The following KIF16B variants were observed in gnomAD, a reference collection of about 807,000 sequenced individuals.
KIF16B encodes kinesin family member 16B, also known as kinesin-like protein KIF16B.
Under a neutral mutation model 156.3 loss-of-function variants are expected in KIF16B, and 98 were observed. The ratio of observed to expected loss-of-function variants is 0.63; its 90% CI spans 0.53 to 0.74. The LOEUF (loss-of-function observed/expected upper bound fraction) is 0.74, where lower values mean the gene tolerates loss of function less well. Ranked by LOEUF, KIF16B falls within the 30% of genes least tolerant of loss-of-function variation. The pLI is 0.00. For missense variants in KIF16B, 1,421 were observed against 1,606.5 expected (o/e 0.88, Z 1.97); for synonymous variants, 564 against 583.7 (o/e 0.97, Z 0.49).
chr20:16,465,601 C>A (rs1337139547), intron 12 of KIF16B, among the ~76,000 whole-genome samples: 1 of 152,172 alleles, frequency 6.6e-6, no homozygotes, highest in Non-Finnish European at 1.5e-5. Flanking sequence ...ATATAATTCA[C>A]CAACTAAATG....
intron 1 of KIF16B, among the ~76,000 whole-genome samples, chr20:16,568,248 T>A (rs2071332704): frequency 6.6e-6 from 1 of 150,676 alleles, no homozygotes. Context: ...CTAGGAACAG[T>A]CAGAAAAGAG....
At chr20:16,530,023 A>T (rs989760237) in intron 1 of KIF16B, among the ~76,000 whole-genome samples, 1 of 152,192 alleles carries the variant, frequency 6.6e-6, no homozygotes, top group Non-Finnish European at 1.5e-5. Flanking sequence ...TCCAAAATTT[A>T]AAAAACAAAC....
At chr20:16,498,018 T>C (rs187210666) in intron 10 of KIF16B, among the ~76,000 whole-genome samples, 34 of 152,260 alleles carry the variant, frequency 2.2e-4, no homozygotes, top group Admixed American at 1.0e-3. Flanking sequence ...AGTCCAACAT[T>C]CAAAAGGGAC....
intron 22 of KIF16B, among the ~76,000 whole-genome samples, chr20:16,361,570 A>G (rs1439010289): frequency 6.6e-6 from 1 of 152,144 alleles, no homozygotes; most frequent in Non-Finnish European, 1.5e-5. Context: ...CATCCCTGTG[A>G]AGGATGGGAC....
chr20:16,416,781 C>T (rs1383105985), intron 15 of KIF16B, among the ~76,000 whole-genome samples: 2 of 151,324 alleles, frequency 1.3e-5, no homozygotes, highest in Admixed American at 1.3e-4. Context: ...ATTGGAAGCA[C>T]CACTGAACTA....
intron 3 of KIF16B, among the ~76,000 whole-genome samples, chr20:16,519,580 C>CT (rs2069260256): frequency 6.6e-6 from 1 of 152,032 alleles, no homozygotes; most frequent in African/African-American, 2.4e-5. Flanking sequence ...GGGGATCTTG[C>CT]TAAAAAAAAA....
chr20:16,497,548 A>G (rs2068487438), intron 11 of KIF16B, 65 bp downstream of exon 11: 1 of 1,298,406 alleles, frequency 7.7e-7, no homozygotes, highest in Non-Finnish European at 1.1e-6. Context: ...AAGTCCTAAA[A>G]AAGCATGCAC....
Position 16,356,303 on chromosome 20 carries a change from C to A in KIF16B, c.3621+27G>T, listed in dbSNP as rs2064440175. ...CACTGCATAGTCTCCAACCTCCATT[C>A]TCCAGAAGAGTCAAGAAGACACTCA... is the stretch of plus-strand genomic sequence containing the variant. On this transcript the variant is annotated intron_variant, in intron 23 of 25. Transcript: ENST00000354981. The A allele has an allele frequency of 3.7e-6, 6 of 1,613,846 alleles. No homozygotes were observed. The African/African-American group carries it at 4.0e-5, about 11-fold the overall frequency.
At chr20:16,327,483 T>C (rs2063876020) in intron 24 of KIF16B, among the ~76,000 whole-genome samples, 1 of 151,952 alleles carries the variant, frequency 6.6e-6, no homozygotes, top group Non-Finnish European at 1.5e-5. Flanking sequence ...CCAAGATAGA[T>C]GCAAAAGAGG....
intron 16 of KIF16B, among the ~76,000 whole-genome samples, chr20:16,405,263 C>A (rs780145401): frequency 5.9e-5 from 9 of 152,122 alleles, no homozygotes; most frequent in Non-Finnish European, 1.3e-4. Context: ...CAGCGATATT[C>A]CCTCACACTT....
At position 16,483,618 on chromosome 20, in the gene KIF16B, T is replaced by C. The variant is rs1568588353; in HGVS notation, c.1302+10673A>G. 2.0e-5 allele frequency among the ~76,000 whole-genome samples: 3 copies of C among 152,160 alleles called. No homozygotes were observed. In the South Asian group the frequency reaches 6.2e-4, roughly 32 times the overall value. ...TGCTGGACACTGCCCTCAGCCTCTGTGTGTTTCCTTTCTCCCCTTATATAA... is the reference window on the plus strand; with the variant it reads ...TGCTGGACACTGCCCTCAGCCTCTGCGTGTTTCCTTTCTCCCCTTATATAA... On this transcript the variant is annotated intron_variant, in intron 12 of 25. Coordinates refer to ENST00000354981, the MANE Select transcript of KIF16B (RefSeq NM_024704.5).
chr20:16,437,873 C>A (rs1018094767), intron 12 of KIF16B, among the ~76,000 whole-genome samples: 1 of 151,782 alleles, frequency 6.6e-6, no homozygotes, highest in African/African-American at 2.4e-5. Flanking sequence ...TGGCTCATGC[C>A]TGTAATCCCA....
chr20:16,521,452 T>G (rs188330091), intron 3 of KIF16B, among the ~76,000 whole-genome samples: 2 of 151,764 alleles, frequency 1.3e-5, no homozygotes, highest in Admixed American at 1.3e-4. Context: ...AAATAAAGCA[T>G]GAAGACAAGA....
rs1304049887 is a variant in KIF16B at position 16,505,829 on chromosome 20, T to C, written c.893A>G (p.Asn298Ser). 1.8e-5 allele frequency: 29 copies of C among 1,613,970 alleles called. No homozygotes were observed. Among genetic ancestry groups the C allele is most frequent in the Non-Finnish European group, 2.5e-5 (29 of 1,179,922 alleles). ...ALADLSQDAA[N>S]TLAKKKQVFV... ...AACTTGCTTCTTCTTTGCAAGAGTATTTGCAGCATCCTGAGATAAATCAGC... is the reference window on the plus strand; with the variant it reads ...AACTTGCTTCTTCTTTGCAAGAGTACTTGCAGCATCCTGAGATAAATCAGC... Residue 298 changes from asparagine to serine, a missense_variant, in exon 9 of 26, where the codon AAT (asparagine) becomes AGT (serine). Physicochemically the swap from Asn to Ser is conservative, Grantham distance 46. Coordinates refer to ENST00000354981, the MANE Select transcript of KIF16B (RefSeq NM_024704.5).
chr20:16,497,863 A>G (rs1416343092), intron 10 of KIF16B, among the ~76,000 whole-genome samples, 185 bp from the exon 11 acceptor site: 1 of 152,172 alleles, frequency 6.6e-6, no homozygotes, highest in Non-Finnish European at 1.5e-5. Context: ...ATCTCTCATA[A>G]TATTCAAAAC....
At chr20:16,411,929 C>T (rs1004399611) in intron 15 of KIF16B, among the ~76,000 whole-genome samples, 6 of 134,106 alleles carry the variant, frequency 4.5e-5, no homozygotes, top group Middle Eastern at 3.8e-3. Context: ...GAATGTTCAA[C>T]GTGTGTGTGT....
At chr20:16,558,897 C>CAAAAAAAAAAAAAAA (rs11478258) in intron 1 of KIF16B, among the ~76,000 whole-genome samples, 1 of 62,082 alleles carries the variant, frequency 1.6e-5, no homozygotes, top group Non-Finnish European at 2.9e-5. Context: ...GAGCAAGACT[C>CAAAAAAAAAAAAAAA]AAAAAAAAAA....
At chr20:16,343,336 G>A (rs1031751686) in intron 23 of KIF16B, among the ~76,000 whole-genome samples, 1 of 152,186 alleles carries the variant, frequency 6.6e-6, no homozygotes, top group Non-Finnish European at 1.5e-5. Flanking sequence ...AGGATTGCCA[G>A]TGTTAAGATC....
chr20:16,514,591 A>G (rs867049037), intron 4 of KIF16B, among the ~76,000 whole-genome samples: 1,624 of 149,468 alleles, frequency 0.011, 17 homozygotes, highest in Middle Eastern at 0.059. Flanking sequence ...AGAAAAAAAA[A>G]AAAAAAAAAA....
Sources: allele counts gnomAD v4.1 joint callset (sites outside exome capture counted in the v4.1 genomes callset), GRCh38; gene constraint gnomAD v4.1.1; transcripts MANE v1.5; gene names NCBI Gene and HGNC (gene_info 2026-07-23, HGNC 2026-07-21).